Variants in ST8SIA1 observed in about 807,000 individuals in gnomAD.
The protein encoded by ST8SIA1 is alpha-N-acetylneuraminide alpha-2,8-sialyltransferase.
ST8SIA1 carries 16 observed loss-of-function variants against 35.9 expected under a neutral mutation model. That is an observed-to-expected ratio of 0.45 (90% CI 0.30 to 0.68). The LOEUF is 0.68. ST8SIA1 is among the 30% of genes least tolerant of loss of function. ST8SIA1 has a pLI of 0.09. For synonymous variants in ST8SIA1, 170 were observed against 169.6 expected (o/e 1.00, Z -0.02); for missense variants, 383 against 453.6 (o/e 0.84, Z 1.41).
In ST8SIA1 at chr12:22,246,479, C is replaced by T. The variant is rs562265963; in HGVS notation, c.584+2527G>A. ...TTCCGTAGCGTACAATGCCTAAAAT[C>T]TTTAGAAACTCCACAGTGCTATCTT... is the stretch of plus-strand genomic sequence containing the variant. On this transcript the variant is annotated intron_variant, in intron 4 of 4. Transcript: ENST00000396037. Among the ~76,000 whole-genome samples, 5 of 152,210 alleles carry T rather than the reference C, an allele frequency of 3.3e-5. No homozygotes were observed. The South Asian group carries it at 8.3e-4, about 25-fold the overall frequency.
At chr12:22,212,102 G>A (rs1462363556) in intron 4 of ST8SIA1, among the ~76,000 whole-genome samples, 1 of 152,042 alleles carries the variant, frequency 6.6e-6, no homozygotes, top group African/African-American at 2.4e-5. Context: ...TGTTGTCTGT[G>A]CAGTATAAAA....
chr12:22,232,927 A>G (rs1415774293), intron 4 of ST8SIA1, among the ~76,000 whole-genome samples: 5 of 152,236 alleles, frequency 3.3e-5, no homozygotes, highest in Non-Finnish European at 7.3e-5. Context: ...TGGTTTAAGG[A>G]GAGAAAAATC....
In ST8SIA1 at chr12:22,241,192, T is replaced by C. The variant is rs550868154; in HGVS notation, c.584+7814A>G. ...ATTATTTTCTGTAGAGAACATTTTG[T>C]ATAATTTCAGAAGGTAATATGTTTT... is the stretch of plus-strand genomic sequence containing the variant. On this transcript the variant is annotated intron_variant, in intron 4 of 4. Coordinates refer to ENST00000396037, the MANE Select transcript of ST8SIA1 (RefSeq NM_003034.4). 2.0e-4 allele frequency among the ~76,000 whole-genome samples: 31 copies of C among 152,262 alleles called. No individual in the cohort carries two copies. In the East Asian group the frequency reaches 5.8e-3, roughly 28 times the overall value.
At position 22,308,935 on chromosome 12, in the gene ST8SIA1, G is replaced by C. The variant is rs529014831; in HGVS notation, c.237-21642C>G. Among the ~76,000 whole-genome samples the C allele has an allele frequency of 9.9e-5, 15 of 152,164 alleles. No homozygotes were observed. The South Asian group carries it at 2.9e-3, about 29-fold the overall frequency. On this transcript the variant is annotated intron_variant, in intron 1 of 4. Transcript: ENST00000396037. ...ATGATTGTCCCAAGGCTTACACCTT[G>C]ATCCTCAGCATTTATTATTCTAATC... is the stretch of plus-strand genomic sequence containing the variant.
At chr12:22,302,253 C>G (rs915440991) in intron 1 of ST8SIA1, among the ~76,000 whole-genome samples, 2 of 152,040 alleles carry the variant, frequency 1.3e-5, no homozygotes, top group African/African-American at 2.4e-5. Context: ...CTTTTTCCCC[C>G]CAATTTTCCT....
intron 4 of ST8SIA1, among the ~76,000 whole-genome samples, chr12:22,240,775 G>A (rs1865531374): frequency 6.6e-6 from 1 of 151,966 alleles, no homozygotes; most frequent in Admixed American, 6.6e-5. Flanking sequence ...AAACTTAGAG[G>A]CACTAACCAT....
intron 1 of ST8SIA1, among the ~76,000 whole-genome samples, chr12:22,312,662 A>AGCAGATTGTTTGTATTTGGTGTGGCAAC (rs1866464924): frequency 6.6e-6 from 1 of 152,016 alleles, no homozygotes; most frequent in Non-Finnish European, 1.5e-5. Context: ...ATTAAGCAAA[A>AGCAGATTGTTTGTATTTGGTGTGGCAAC]GCAGATTGTT....
At chr12:22,327,092 A>G (rs1356718452) in intron 1 of ST8SIA1, among the ~76,000 whole-genome samples, 4 of 152,250 alleles carry the variant, frequency 2.6e-5, no homozygotes, top group Non-Finnish European at 5.9e-5. Flanking sequence ...ATTATACAGT[A>G]CAGACCAAAA....
intron 4 of ST8SIA1, among the ~76,000 whole-genome samples, chr12:22,234,827 A>G (rs1865458307): frequency 6.6e-6 from 1 of 152,204 alleles, no homozygotes; most frequent in African/African-American, 2.4e-5. Flanking sequence ...CACAGATGTT[A>G]AAATATTAAA....
At chr12:22,271,971 T>C (rs1342800734) in intron 2 of ST8SIA1, among the ~76,000 whole-genome samples, 1 of 152,218 alleles carries the variant, frequency 6.6e-6, no homozygotes, top group Non-Finnish European at 1.5e-5. Context: ...ATTCATATGA[T>C]AACACTTTGC....
In ST8SIA1 at chr12:22,286,818, C is replaced by A. The variant is rs1468120206; in HGVS notation, c.381+331G>T. 2.0e-5 allele frequency among the ~76,000 whole-genome samples: 3 copies of A among 152,156 alleles called. No homozygotes were observed. In the East Asian group the frequency reaches 5.8e-4, roughly 29 times the overall value. ...GTCCTAAGAAAACATTCCAGTATCA[C>A]ACAAATCCTCATGGTCATTCCACAG... On this transcript the variant is annotated intron_variant, in intron 2 of 4. Coordinates refer to ENST00000396037, the MANE Select transcript of ST8SIA1 (RefSeq NM_003034.4).
At chr12:22,241,166 T>C (rs1865536852) in intron 4 of ST8SIA1, among the ~76,000 whole-genome samples, 1 of 152,120 alleles carries the variant, frequency 6.6e-6, no homozygotes, top group Non-Finnish European at 1.5e-5. Context: ...GCCAAGTTTT[T>C]ATTATTTTCT....
chr12:22,218,437 G>T (rs1865258715), intron 4 of ST8SIA1, among the ~76,000 whole-genome samples: 1 of 151,666 alleles, frequency 6.6e-6, no homozygotes, highest in Non-Finnish European at 1.5e-5. Context: ...GACCAACATG[G>T]CAAAACCCCG....
intron 4 of ST8SIA1, among the ~76,000 whole-genome samples, chr12:22,217,223 T>G (rs1865243452): frequency 6.6e-6 from 1 of 152,334 alleles, no homozygotes; most frequent in South Asian, 2.1e-4. Context: ...CTCTCCCTTT[T>G]GAACTTCTCA....
intron 3 of ST8SIA1, among the ~76,000 whole-genome samples, chr12:22,252,210 A>C (rs1036435794): frequency 2.0e-5 from 3 of 152,204 alleles, no homozygotes; most frequent in Non-Finnish European, 2.9e-5. Context: ...TTTGAACTGT[A>C]ATCTGGTATA....
chr12:22,287,315 G>C (rs766558754), intron 1 of ST8SIA1, 22 bp from the exon 2 acceptor site: 1 of 1,606,416 alleles, frequency 6.2e-7, no homozygotes, highest in Non-Finnish European at 8.5e-7. Flanking sequence ...AACAGAGAGA[G>C]AGAAAAGAAC....
intron 1 of ST8SIA1, among the ~76,000 whole-genome samples, chr12:22,307,856 A>G (rs1866404372): frequency 6.6e-6 from 1 of 152,196 alleles, no homozygotes; most frequent in Non-Finnish European, 1.5e-5. Context: ...GCCAGGTGGT[A>G]TTATCCTTTT....
rs1864951500 is a variant in ST8SIA1, at chr12:22,193,788, T to A, written c.*7764A>T. On this transcript the variant is annotated 3_prime_UTR_variant, in exon 5 of 5. Transcript: ENST00000396037. Reference sequence around the variant, plus strand: ...TATACTCTTCAAAGGTGATTTCAATTTTATAGTTTAATCTAAAATTTTTCC... The same window carrying A: ...TATACTCTTCAAAGGTGATTTCAATATTATAGTTTAATCTAAAATTTTTCC... 1 of 152,190 alleles carries A rather than the reference T, an allele frequency of 6.6e-6. No homozygotes were observed. Among genetic ancestry groups the A allele is most frequent in the Admixed American group, 6.5e-5 (1 of 15,280 alleles). The allele number at this position is 152,190 out of a possible 1,614,324, so 9.4% of individuals were successfully genotyped here. A position where few individuals can be genotyped will look rare whatever the true frequency, so the allele number is the denominator to read the frequency against.
chr12:22,296,910 C>T (rs754739927), intron 1 of ST8SIA1, among the ~76,000 whole-genome samples: 7 of 152,174 alleles, frequency 4.6e-5, no homozygotes, highest in Non-Finnish European at 1.0e-4. Context: ...GGCTTTTAGA[C>T]ATGTGCGCAA....
Sources: allele counts gnomAD v4.1 joint callset (sites outside exome capture counted in the v4.1 genomes callset), GRCh38; gene constraint gnomAD v4.1.1; transcripts MANE v1.5; gene names NCBI Gene and HGNC (gene_info 2026-07-23, HGNC 2026-07-21).